Variants in GRB10 observed in about 807,000 individuals in gnomAD.
The protein encoded by GRB10 is growth factor receptor bound protein 10, also known as growth factor receptor-bound protein 10.
In GRB10, 20 loss-of-function variants were observed where a neutral mutation model predicts 80.9. The observed-to-expected ratio is 0.25, with a 90% CI of 0.17 to 0.36. The LOEUF (loss-of-function observed/expected upper bound fraction) is 0.36, where lower values mean the gene tolerates loss of function less well. Among genes scored for constraint, GRB10 ranks in the 10% least tolerant of loss-of-function variants. The pLI, the probability that GRB10 is intolerant of heterozygous loss-of-function variation, is 1.00. For missense variants in GRB10, 548 were observed against 747.7 expected (o/e 0.73, Z 3.12); for synonymous variants, 291 against 291.5 (o/e 1.00, Z 0.02).
chr7:50,703,967 T>A, intron 4 of GRB10, 59 bp from the exon 5 acceptor site: 1 of 1,126,194 alleles, frequency 8.9e-7, no homozygotes, highest in Non-Finnish European at 1.4e-6. Context: ...TCCCACTCTT[T>A]TCAACACCCA....
intron 3 of GRB10, among the ~76,000 whole-genome samples, chr7:50,746,812 G>C (rs919512208): frequency 3.3e-5 from 5 of 152,064 alleles, no homozygotes; most frequent in African/African-American, 4.8e-5. Context: ...AGTCCCCAGG[G>C]CTCCCCTGGC....
intron 4 of GRB10, among the ~76,000 whole-genome samples, chr7:50,707,501 C>T (rs185673960): frequency 1.2e-3 from 184 of 152,336 alleles, no homozygotes; most frequent in Non-Finnish European, 2.4e-3. Context: ...CAGAACATTT[C>T]CCCTCTTGCT....
intron 17 of GRB10, among the ~76,000 whole-genome samples, chr7:50,601,961 T>C (rs1474417628): frequency 6.6e-6 from 1 of 152,176 alleles, no homozygotes; most frequent in African/African-American, 2.4e-5. Context: ...GAAGGAACCA[T>C]TGGCCAATGA....
intron 3 of GRB10, among the ~76,000 whole-genome samples, chr7:50,746,297 A>G (rs1475666575): frequency 1.3e-5 from 2 of 152,242 alleles, no homozygotes; most frequent in Non-Finnish European, 2.9e-5. Flanking sequence ...ACAAAGCATT[A>G]TTAGATCAAA....
At chr7:50,674,919 C>T (rs961050705) in intron 5 of GRB10, among the ~76,000 whole-genome samples, 4 of 152,168 alleles carry the variant, frequency 2.6e-5, no homozygotes, top group Non-Finnish European at 4.4e-5. Context: ...AGAAGCCATT[C>T]AGAGCATCTG....
intron 7 of GRB10, among the ~76,000 whole-genome samples, chr7:50,635,956 CCTTTCCT>C (rs2054912825): frequency 1.1e-5 from 1 of 92,840 alleles, no homozygotes; most frequent in African/African-American, 3.9e-5. Flanking sequence ...TTTTTTTTTT[CCTTTCCT>C]TTTTTTTTTT....
intron 7 of GRB10, among the ~76,000 whole-genome samples, chr7:50,666,410 A>C (rs1441308125): frequency 6.6e-6 from 1 of 152,068 alleles, no homozygotes; most frequent in Non-Finnish European, 1.5e-5. Flanking sequence ...TCTACCCATG[A>C]CTACTCCCAT....
chr7:50,686,568 AT>A (rs1217892446), intron 5 of GRB10, among the ~76,000 whole-genome samples: 1 of 152,124 alleles, frequency 6.6e-6, no homozygotes, highest in Non-Finnish European at 1.5e-5. Context: ...AGGGAGAGAG[AT>A]TTCACAGTGG....
chr7:50,606,306 C>T lies in GRB10; in HGVS notation c.1272+31G>A, dbSNP rs1255755116. 3 of 1,572,672 alleles carry T rather than the reference C, an allele frequency of 1.9e-6. No individual in the cohort carries two copies. The South Asian group carries it at 3.3e-5, about 17-fold the overall frequency. On this transcript the variant is annotated intron_variant, in intron 14 of 18. Coordinates refer to ENST00000401949, the MANE Select transcript of GRB10 (RefSeq NM_001350814.2). ...ATGTGATGCAGAAGCTGAAAAGGCACTAGACTTCTGAAGCTCCTGGCTTTA... is the reference window on the plus strand; with the variant it reads ...ATGTGATGCAGAAGCTGAAAAGGCATTAGACTTCTGAAGCTCCTGGCTTTA...
intron 4 of GRB10, among the ~76,000 whole-genome samples, chr7:50,720,555 A>G (rs1024575244): frequency 3.9e-5 from 6 of 152,196 alleles, no homozygotes; most frequent in African/African-American, 1.4e-4. Flanking sequence ...CCCAGCACAT[A>G]TGGCAACACT....
At chr7:50,599,092 A>G (rs1400136550) in intron 17 of GRB10, among the ~76,000 whole-genome samples, 5 of 152,158 alleles carry the variant, frequency 3.3e-5, no homozygotes, top group Admixed American at 2.0e-4. Context: ...CATGGGTGGC[A>G]AGACAGGAAG....
At chr7:50,752,132 G>A (rs746823730) in intron 3 of GRB10, among the ~76,000 whole-genome samples, 5 of 152,146 alleles carry the variant, frequency 3.3e-5, no homozygotes, top group Admixed American at 6.5e-5. Context: ...AGTGCCCCAC[G>A]TGAGGCAGAA....
intron 3 of GRB10, among the ~76,000 whole-genome samples, chr7:50,752,066 C>A (rs771625223): frequency 6.6e-6 from 1 of 152,160 alleles, no homozygotes; most frequent in Non-Finnish European, 1.5e-5. Context: ...AGCTTCCCAG[C>A]GCAATCCAGT....
intron 17 of GRB10, among the ~76,000 whole-genome samples, chr7:50,596,998 A>C (rs1193639644): frequency 1.3e-5 from 2 of 152,244 alleles, no homozygotes; most frequent in Non-Finnish European, 2.9e-5. Context: ...ACTCACTTTA[A>C]ATGTATCCAA....
intron 5 of GRB10, among the ~76,000 whole-genome samples, chr7:50,689,091 T>C (rs1010442984): frequency 3.3e-5 from 5 of 152,080 alleles, no homozygotes; most frequent in Admixed American, 6.5e-5. Flanking sequence ...TGGATTAGCC[T>C]CAGTAATGAC....
At chr7:50,696,253 A>G (rs1385269801) in intron 5 of GRB10, among the ~76,000 whole-genome samples, 1 of 152,240 alleles carries the variant, frequency 6.6e-6, no homozygotes, top group Non-Finnish European at 1.5e-5. Flanking sequence ...GTTAGACAGT[A>G]GCAAACCGCC....
intron 4 of GRB10, among the ~76,000 whole-genome samples, chr7:50,731,392 C>T (rs2069696968): frequency 6.6e-6 from 1 of 151,242 alleles, no homozygotes. Flanking sequence ...TAAAAAGAGA[C>T]TTCACAGACT....
intron 5 of GRB10, among the ~76,000 whole-genome samples, chr7:50,692,835 C>T (rs945824530): frequency 6.6e-6 from 1 of 152,062 alleles, no homozygotes; most frequent in Non-Finnish European, 1.5e-5. Flanking sequence ...TAGGTGTGTG[C>T]AGGGTGGCTC....
chr7:50,669,037 A>C (rs2060091082), intron 7 of GRB10, among the ~76,000 whole-genome samples: 2 of 152,202 alleles, frequency 1.3e-5, no homozygotes, highest in Admixed American at 1.3e-4. Context: ...GAAACTCTTC[A>C]ACTCCTGTGT....
Sources: allele counts gnomAD v4.1 joint callset (sites outside exome capture counted in the v4.1 genomes callset), GRCh38; gene constraint gnomAD v4.1.1; transcripts MANE v1.5; gene names NCBI Gene and HGNC (gene_info 2026-07-23, HGNC 2026-07-21).